IKZF2: variants seen among roughly 807,000 people sequenced by gnomAD.
The protein encoded by IKZF2 is IKAROS family zinc finger 2, also known as zinc finger protein Helios.
A neutral mutation model predicts 49.2 loss-of-function variants in IKZF2; 15 were observed. The observed-to-expected ratio is 0.30, with a 90% CI of 0.20 to 0.47. The LOEUF (loss-of-function observed/expected upper bound fraction) is 0.47, where lower values mean the gene tolerates loss of function less well. Among genes scored for constraint, IKZF2 ranks in the 20% least tolerant of loss-of-function variants. The pLI, the probability that IKZF2 is intolerant of heterozygous loss-of-function variation, is 1.00. For missense variants in IKZF2, 567 were observed against 664.6 expected (o/e 0.85, Z 1.61); for synonymous variants, 227 against 221.4 (o/e 1.03, Z -0.23).
In IKZF2 at chr2:213,008,001, A is replaced by C; in HGVS notation, c.940T>G (p.Ser314Ala). The C allele has an allele frequency of 6.2e-7, 1 of 1,613,426 alleles. No individual in the cohort carries two copies. The highest frequency in any genetic ancestry group is 8.5e-7 in the Non-Finnish European group (1 of 1,179,688). The change falls in exon 9 of 9, where the codon TCT becomes GCT. Residue 314 changes from serine to alanine, a missense_variant. Coordinates refer to ENST00000434687, the MANE Select transcript of IKZF2 (RefSeq NM_001387220.1). The stretch of plus-strand genomic sequence containing the variant: ...TTGATGGCTTGGTCCATCATATGAG[A>C]CTGCATCAGCTCAGCCTCCTTCTCA... ...TYEKEAELMQSHMMDQAINNA... is the reference protein window; with the variant it reads ...TYEKEAELMQAHMMDQAINNA...
At chr2:213,106,150 A>G (rs1253104398) in intron 4 of IKZF2, among the ~76,000 whole-genome samples, 1 of 152,204 alleles carries the variant, frequency 6.6e-6, no homozygotes, top group Non-Finnish European at 1.5e-5. Flanking sequence ...TTTTTAAAAA[A>G]GGCATTACCA....
intron 4 of IKZF2, among the ~76,000 whole-genome samples, chr2:213,093,630 A>G (rs1454201005): frequency 6.6e-6 from 1 of 152,176 alleles, no homozygotes; most frequent in Non-Finnish European, 1.5e-5. Flanking sequence ...TAAGCTCTAT[A>G]AGGATAGAGC....
intron 4 of IKZF2, among the ~76,000 whole-genome samples, chr2:213,135,160 G>A (rs971050064): frequency 3.3e-5 from 5 of 152,158 alleles, no homozygotes; most frequent in Non-Finnish European, 5.9e-5. Context: ...AAGAGACTAA[G>A]GCTCTTTTTT....
chr2:213,055,886 C>A (rs544168776), intron 5 of IKZF2, among the ~76,000 whole-genome samples: 8 of 152,050 alleles, frequency 5.3e-5, no homozygotes, highest in African/African-American at 1.9e-4. Flanking sequence ...TATATTTCTT[C>A]CAAAAAAGTA....
At chr2:213,137,334 G>T (rs1377397940) in intron 4 of IKZF2, among the ~76,000 whole-genome samples, 1 of 151,994 alleles carries the variant, frequency 6.6e-6, no homozygotes, top group Non-Finnish European at 1.5e-5. Context: ...ATGTAATAAT[G>T]TAATAGAAGT....
intron 6 of IKZF2, among the ~76,000 whole-genome samples, chr2:213,028,406 C>T (rs892532007): frequency 1.2e-4 from 18 of 152,134 alleles, no homozygotes; most frequent in African/African-American, 4.3e-4. Context: ...TGTTAAAAAG[C>T]TTGTTGGGAT....
At chr2:213,137,111 G>T (rs2125926566) in intron 4 of IKZF2, among the ~76,000 whole-genome samples, 1 of 151,782 alleles carries the variant, frequency 6.6e-6, no homozygotes, top group African/African-American at 2.4e-5. Flanking sequence ...GAGGTACGGG[G>T]GTGTTTCTTT....
chr2:213,104,519 T>A (rs528033308), intron 4 of IKZF2, among the ~76,000 whole-genome samples: 1 of 152,252 alleles, frequency 6.6e-6, no homozygotes, highest in African/African-American at 2.4e-5. Context: ...ATTTTCTAAC[T>A]ATTGAAATGA....
chr2:213,017,905 G>A (rs1231138466), intron 7 of IKZF2, among the ~76,000 whole-genome samples: 4 of 152,086 alleles, frequency 2.6e-5, no homozygotes, highest in Non-Finnish European at 5.9e-5. Flanking sequence ...TATGATACAA[G>A]AGAGATATAA....
intron 4 of IKZF2, among the ~76,000 whole-genome samples, chr2:213,072,059 T>C (rs1559235691): frequency 6.6e-6 from 1 of 152,120 alleles, no homozygotes; most frequent in African/African-American, 2.4e-5. Context: ...AATTTCTTCA[T>C]GCTGATAATA....
intron 4 of IKZF2, among the ~76,000 whole-genome samples, chr2:213,111,091 T>A (rs935039793): frequency 2.0e-5 from 3 of 152,040 alleles, no homozygotes; most frequent in African/African-American, 7.2e-5. Flanking sequence ...GTTTTATTTA[T>A]GCTATTTTTT....
intron 5 of IKZF2, among the ~76,000 whole-genome samples, chr2:213,050,099 G>A (rs945602787): frequency 6.6e-6 from 1 of 152,076 alleles, no homozygotes; most frequent in African/African-American, 2.4e-5. Context: ...GTATAAATGT[G>A]ACAAAAGTCC....
intron 4 of IKZF2, chr2:213,147,347 T>G: frequency 2.3e-6 from 1 of 441,914 alleles, no homozygotes; most frequent in Non-Finnish European, 4.0e-6. Context: ...AATTATTTCA[T>G]TTTTTAACTG....
At chr2:213,098,018 A>G (rs1319123858) in intron 4 of IKZF2, 2 of 249,670 alleles carry the variant, frequency 8.0e-6, no homozygotes, top group East Asian at 9.7e-5. Context: ...ACATGAATTA[A>G]TCAATCTCAA....
chr2:213,114,479 C>T (rs920677309), intron 4 of IKZF2, among the ~76,000 whole-genome samples: 5 of 152,086 alleles, frequency 3.3e-5, no homozygotes, highest in Admixed American at 2.0e-4. Flanking sequence ...TGATGTATGA[C>T]ACTGAATGAA....
intron 4 of IKZF2, among the ~76,000 whole-genome samples, chr2:213,073,328 T>C (rs750793126): frequency 2.0e-5 from 3 of 152,040 alleles, no homozygotes; most frequent in Non-Finnish European, 2.9e-5. Flanking sequence ...TGAGTAAGAG[T>C]GGAGGTAAAT....
At chr2:213,012,199 GA>G (rs1696040287) in intron 8 of IKZF2, among the ~76,000 whole-genome samples, 1 of 151,664 alleles carries the variant, frequency 6.6e-6, no homozygotes, top group Non-Finnish European at 1.5e-5. Flanking sequence ...TCCAAATAAA[GA>G]AAAATATTCT....
chr2:213,021,731 A>C, intron 7 of IKZF2: 1 of 524,978 alleles, frequency 1.9e-6, no homozygotes, highest in Non-Finnish European at 3.6e-6. Flanking sequence ...CTGGTTAGAA[A>C]AATGAAAAAG....
chr2:213,074,238 A>G (rs7596486), intron 4 of IKZF2, among the ~76,000 whole-genome samples: 3,296 of 152,270 alleles, frequency 0.022, 124 homozygotes, highest in African/African-American at 0.075. Flanking sequence ...AACTACAGGA[A>G]TGTGCTCTGA....
Sources: allele counts gnomAD v4.1 joint callset (sites outside exome capture counted in the v4.1 genomes callset), GRCh38; gene constraint gnomAD v4.1.1; transcripts MANE v1.5; gene names NCBI Gene and HGNC (gene_info 2026-07-23, HGNC 2026-07-21).